Variants in PANK3 observed in about 807,000 individuals in gnomAD.
PANK3 encodes the protein pantothenate kinase 3.
A neutral mutation model predicts 39.4 loss-of-function variants in PANK3; 20 were observed. That is an observed-to-expected ratio of 0.51 (90% CI 0.36 to 0.74). The LOEUF is 0.74. Among genes scored for constraint, PANK3 ranks in the 30% least tolerant of loss-of-function variants. The pLI is 0.00. For missense variants in PANK3, 265 were observed against 437.0 expected (o/e 0.61, Z 3.51); for synonymous variants, 140 against 157.3 (o/e 0.89, Z 0.82).
At chr5:168,570,113 T>G (rs1007036298) in intron 1 of PANK3, among the ~76,000 whole-genome samples, 11 of 152,032 alleles carry the variant, frequency 7.2e-5, no homozygotes, top group Non-Finnish European at 1.3e-4. Flanking sequence ...CCGGGCGCGG[T>G]GGCTTACGCC....
intron 1 of PANK3, among the ~76,000 whole-genome samples, 182 bp from the exon 2 acceptor site, chr5:168,569,180 G>GTTTT (rs544747926): frequency 1.1e-4 from 13 of 115,938 alleles, no homozygotes; most frequent in East Asian, 2.4e-4. Flanking sequence ...TCCCTTCAAA[G>GTTTT]TTTTTTTTTT....
intron 1 of PANK3, 32 bp from the exon 2 acceptor site, chr5:168,569,030 A>AAATATATAT (rs1554125888): frequency 5.7e-4 from 68 of 120,328 alleles, no homozygotes; most frequent in African/African-American, 4.4e-3. Flanking sequence ...AAAAAAAAAA[A>AAATATATAT]ATATATATAT....
At position 168,559,175 on chromosome 5, in the gene PANK3, A is replaced by C. The variant is rs1390364700; in HGVS notation, c.937-18T>G. On this transcript the variant is annotated intron_variant, in intron 5 of 6. Transcript: ENST00000239231. ...TTTATTTTCTAAAAGAAAAGAACAA[A>C]GAAAAAACTTGTAAAAATAATAGAT... 7.0e-7 allele frequency: 1 copy of C among 1,434,190 alleles called. No homozygotes were observed. The highest frequency in any genetic ancestry group is 2.4e-5 in the East Asian group (1 of 42,550). 88.8% of individuals were successfully genotyped at this position (1,434,190 alleles called of 1,614,324 possible). A position where few individuals can be genotyped will look rare whatever the true frequency, so the allele number is the denominator to read the frequency against.
At chr5:168,564,529 G>C (rs1759495091) in intron 3 of PANK3, among the ~76,000 whole-genome samples, 1 of 152,016 alleles carries the variant, frequency 6.6e-6, no homozygotes. Flanking sequence ...GAACTCCTGG[G>C]CTCAAGCAAT....
chr5:168,564,265 G>GA (rs144974914), intron 3 of PANK3, among the ~76,000 whole-genome samples, 200 bp from the exon 4 acceptor site: 2,445 of 151,876 alleles, frequency 0.016, 76 homozygotes, highest in African/African-American at 0.055. Flanking sequence ...ATAAACCAAA[G>GA]AAAAAAATCA....
rs578035847 is a variant in PANK3, at chr5:168,556,268, A to T, written c.*1303T>A. On this transcript the variant is annotated 3_prime_UTR_variant, in exon 7 of 7. Coordinates refer to ENST00000239231, the MANE Select transcript of PANK3 (RefSeq NM_024594.4). Reference sequence around the variant, plus strand: ...TAAGGGGATAAGAAGCAAATGGAAGACTTGCTCCAACTCTAGAGTTTTCAG... The same window carrying T: ...TAAGGGGATAAGAAGCAAATGGAAGTCTTGCTCCAACTCTAGAGTTTTCAG... 1 of 152,320 alleles carries T rather than the reference A, an allele frequency of 6.6e-6. No homozygotes were observed. Among genetic ancestry groups the T allele is most frequent in the Admixed American group, 6.5e-5 (1 of 15,292 alleles). The allele number at this position is 152,320 out of a possible 1,614,324, so 9.4% of individuals were successfully genotyped here. A position where few individuals can be genotyped will look rare whatever the true frequency, so the allele number is the denominator to read the frequency against.
At position 168,579,248 on chromosome 5, in the gene PANK3, C is replaced by T. The variant is rs1474327707; in HGVS notation, c.28+8G>A. 1 of 1,490,104 alleles carries T rather than the reference C, an allele frequency of 6.7e-7. No homozygotes were observed. Among genetic ancestry groups the T allele is most frequent in the Admixed American group, 2.4e-5 (1 of 41,452 alleles). The allele number at this position is 1,490,104 out of a possible 1,614,324, so 92.3% of individuals were successfully genotyped here. A position where few individuals can be genotyped will look rare whatever the true frequency, so the allele number is the denominator to read the frequency against. ...TCCCAACCTGGCGGGCCCCAGCCCC[C>T]GTCTTACAGGGTTTCTTGGCATCTT... On this transcript the variant is annotated splice_region_variant and intron_variant, in intron 1 of 6. Transcript: ENST00000239231.
intron 5 of PANK3, among the ~76,000 whole-genome samples, chr5:168,560,047 A>C (rs1363409062): frequency 6.6e-6 from 1 of 152,210 alleles, no homozygotes; most frequent in Non-Finnish European, 1.5e-5. Context: ...TTTTGAGTAG[A>C]AATCTTTGTA....
At chr5:168,571,827 C>T (rs1039169899) in intron 1 of PANK3, among the ~76,000 whole-genome samples, 3 of 151,998 alleles carry the variant, frequency 2.0e-5, no homozygotes, top group African/African-American at 4.8e-5. Flanking sequence ...ATAGCTCGTT[C>T]GTCTTTATAT....
At chr5:168,568,046 A>T (rs752402020) in intron 2 of PANK3, among the ~76,000 whole-genome samples, 2 of 152,238 alleles carry the variant, frequency 1.3e-5, no homozygotes, top group Non-Finnish European at 2.9e-5. Flanking sequence ...CTAATGGAAA[A>T]GACTAGAAGA....
chr5:168,576,000 C>A (rs909820212), intron 1 of PANK3, among the ~76,000 whole-genome samples: 2 of 152,176 alleles, frequency 1.3e-5, no homozygotes, highest in Non-Finnish European at 2.9e-5. Flanking sequence ...TCTCAATAAT[C>A]ATTCCAAACA....
At chr5:168,578,756 G>A (rs1759774207) in intron 1 of PANK3, 1 of 153,146 alleles carries the variant, frequency 6.5e-6, no homozygotes, top group African/African-American at 2.4e-5. Context: ...ACAAGCCAAA[G>A]CAATTACACA....
At chr5:168,577,796 G>C (rs1759751577) in intron 1 of PANK3, among the ~76,000 whole-genome samples, 1 of 152,204 alleles carries the variant, frequency 6.6e-6, no homozygotes, top group African/African-American at 2.4e-5. Context: ...GTCAGAATTT[G>C]AGTTGGTCAT....
chr5:168,576,248 T>C (rs1759728775), intron 1 of PANK3, among the ~76,000 whole-genome samples: 1 of 152,246 alleles, frequency 6.6e-6, no homozygotes, highest in Non-Finnish European at 1.5e-5. Flanking sequence ...ATATATGCTA[T>C]ACCATTTTCT....
At chr5:168,565,722 T>C (rs1477687159) in intron 3 of PANK3, among the ~76,000 whole-genome samples, 1 of 151,544 alleles carries the variant, frequency 6.6e-6, no homozygotes, top group Non-Finnish European at 1.5e-5. Context: ...ACACATCTTA[T>C]AAAAATACAT....
At chr5:168,568,533 A>T (rs138311811) in intron 2 of PANK3, 113 bp downstream of exon 2, 7 of 815,672 alleles carry the variant, frequency 8.6e-6, no homozygotes, top group Middle Eastern at 2.5e-4. Context: ...GCAACCATGG[A>T]TACATATTTC....
chr5:168,577,345 T>C (rs1187078202), intron 1 of PANK3, among the ~76,000 whole-genome samples: 2 of 152,218 alleles, frequency 1.3e-5, no homozygotes, highest in African/African-American at 4.8e-5. Context: ...TTCAGCATGA[T>C]TCAATTTTAA....
intron 1 of PANK3, among the ~76,000 whole-genome samples, chr5:168,574,525 T>A (rs1759700989): frequency 1.3e-5 from 2 of 152,166 alleles, no homozygotes; most frequent in African/African-American, 4.8e-5. Context: ...AGACATTAAG[T>A]ACAACCACAG....
chr5:168,574,716 C>T (rs1390096383), intron 1 of PANK3, among the ~76,000 whole-genome samples: 1 of 152,122 alleles, frequency 6.6e-6, no homozygotes, highest in African/African-American at 2.4e-5. Flanking sequence ...CAAAAATTAG[C>T]CAGGCTTGGT....
Sources: gnomAD v4.1 joint callset for allele counts (sites outside exome capture counted in the v4.1 genomes callset) on GRCh38, gnomAD v4.1.1 for gene constraint, MANE v1.5 for transcripts, NCBI Gene and HGNC (gene_info 2026-07-23, HGNC 2026-07-21) for gene names.